The following CCDC150 variants were observed in gnomAD, a reference collection of about 807,000 sequenced individuals.
CCDC150 encodes the protein coiled-coil domain-containing protein 150.
Under a neutral mutation model 156.5 loss-of-function variants are expected in CCDC150, and 151 were observed. The ratio of observed to expected loss-of-function variants is 0.97; its 90% confidence interval spans 0.85 to 1.10. The LOEUF (loss-of-function observed/expected upper bound fraction) is 1.10. Among genes scored for constraint, CCDC150 ranks in the 50% least tolerant of loss-of-function variants. The pLI is 0.00. For missense variants in CCDC150, 1,312 were observed against 1,268.1 expected, an observed-to-expected ratio of 1.03 and a Z score of -0.53; for synonymous variants, 452 against 429.4, an observed-to-expected ratio of 1.05 and a Z score of -0.65.
Position 196,657,133 on chromosome 2 carries a change from A to G in CCDC150, c.573A>G (p.Thr191=), listed in dbSNP as rs777088827. The part of the protein sequence containing the change: ...LTATLKIASQ[T]KKNAAIIEEE... ...CCACTCTGAAGATTGCCTCGCAGAC[A>G]AAGGTTTGAGTCTAAGAGTTCTGAA... The change falls in exon 4 of 28, where the codon ACA becomes ACG. Residue 191 remains threonine (T), a synonymous_variant. Transcript: ENST00000389175. 3.3e-5 allele frequency: 54 copies of G among 1,613,592 alleles called. No individual in the cohort carries two copies. In the East Asian group the frequency reaches 1.2e-3, roughly 35 times the overall value.
At chr2:196,712,922 C>A (rs1413725167) in intron 17 of CCDC150, among the ~76,000 whole-genome samples, 183 bp downstream of exon 17, 1 of 152,156 alleles carries the variant, frequency 6.6e-6, no homozygotes, top group East Asian at 1.9e-4. Flanking sequence ...CAATTATTTA[C>A]AAATTTAGCA....
At chr2:196,672,938 G>A (rs1694291405) in intron 9 of CCDC150, among the ~76,000 whole-genome samples, 1 of 152,124 alleles carries the variant, frequency 6.6e-6, no homozygotes, top group Admixed American at 6.6e-5. Flanking sequence ...AAAGTCACCA[G>A]ATATGCAGTC....
intron 14 of CCDC150, among the ~76,000 whole-genome samples, chr2:196,697,374 G>A (rs1219223405): frequency 6.6e-6 from 1 of 152,028 alleles, no homozygotes; most frequent in East Asian, 1.9e-4. Flanking sequence ...ACCACTGGCA[G>A]TCACGCAGGG....
At position 196,719,621 on chromosome 2, in the gene CCDC150, A is replaced by G. The variant is rs759833487; in HGVS notation, c.2120A>G (p.Glu707Gly). 6.2e-7 allele frequency: 1 copy of G among 1,612,572 alleles called. No homozygotes were observed. Among genetic ancestry groups the G allele is most frequent in the South Asian group, 1.1e-5 (1 of 90,740 alleles). The change falls in exon 19 of 28, where the codon GAG becomes GGG. Residue 707 changes from glutamate (E) to glycine (G), a missense_variant. Physicochemically the swap from Glu to Gly is moderately conservative, Grantham distance 98. Coordinates refer to ENST00000389175, the MANE Select transcript of CCDC150 (RefSeq NM_001080539.2). ...MQGALEKVQI[E>G]LGRRDSEIAG... ...GGTGCTCTGGAGAAAGTACAAATAG[A>G]GCTTGGGCGGAGGGATTCAGAGATT... is the stretch of plus-strand genomic sequence containing the variant.
rs776973958 is a variant in CCDC150 at position 196,665,633 on chromosome 2, CT to C, written c.713del (p.Leu238ProfsTer13). On this transcript the variant is annotated frameshift_variant, in exon 6 of 28. Coordinates refer to ENST00000389175, the MANE Select transcript of CCDC150 (RefSeq NM_001080539.2). LOFTEE classifies it high-confidence loss of function. Reference protein sequence around the residue: ...ESLEKSASAMLLKIQEMGSTV... With the variant: ...ESLEKSASAMXLKIQEMGSTV... ...TTTAGAGAAATCAGCATCAGCCATG[CT>C]CCTCAAAATACAAGAAATGGGATCA... 1.9e-6 allele frequency: 3 copies of C among 1,604,648 alleles called. No homozygotes were observed. In the East Asian group the frequency reaches 6.7e-5, roughly 36 times the overall value.
At chr2:196,660,433 C>A (rs1353682446) in intron 5 of CCDC150, among the ~76,000 whole-genome samples, 1 of 152,162 alleles carries the variant, frequency 6.6e-6, no homozygotes, top group Non-Finnish European at 1.5e-5. Context: ...TGCCCATCAG[C>A]AAGGAATAAG....
intron 2 of CCDC150, among the ~76,000 whole-genome samples, chr2:196,650,835 AT>A (rs1456888098): frequency 6.6e-6 from 1 of 152,080 alleles, no homozygotes. Context: ...CTCCTCTTCA[AT>A]TTTTGACAGT....
At chr2:196,689,065 C>T (rs1213478653) in intron 13 of CCDC150, among the ~76,000 whole-genome samples, 1 of 152,010 alleles carries the variant, frequency 6.6e-6, no homozygotes, top group Non-Finnish European at 1.5e-5. Context: ...AGATATGCGG[C>T]GTTATTTCTG....
chr2:196,660,912 G>T (rs531172591), intron 5 of CCDC150, among the ~76,000 whole-genome samples: 1 of 152,070 alleles, frequency 6.6e-6, no homozygotes, highest in East Asian at 1.9e-4. Flanking sequence ...TCTTCTAAGA[G>T]ATTTTATAGG....
intron 13 of CCDC150, among the ~76,000 whole-genome samples, 165 bp downstream of exon 13, chr2:196,677,526 A>G (rs186215542): frequency 8.3e-4 from 126 of 152,294 alleles, no homozygotes; most frequent in Non-Finnish European, 1.3e-3. Context: ...ACTGCAGCAG[A>G]AGGTTGTTTC....
intron 13 of CCDC150, among the ~76,000 whole-genome samples, chr2:196,680,015 G>C (rs905190126): frequency 6.6e-5 from 10 of 151,948 alleles, no homozygotes. Context: ...TTTACTGTTT[G>C]TATATATACA....
At chr2:196,648,971 C>T (rs1246813562) in intron 2 of CCDC150, among the ~76,000 whole-genome samples, 1 of 151,986 alleles carries the variant, frequency 6.6e-6, no homozygotes, top group Admixed American at 6.6e-5. Flanking sequence ...TATTTCTGGG[C>T]TATCTATTCT....
At chr2:196,672,900 G>C (rs1346298336) in intron 9 of CCDC150, among the ~76,000 whole-genome samples, 4 of 152,104 alleles carry the variant, frequency 2.6e-5, no homozygotes, top group African/African-American at 9.7e-5. Flanking sequence ...TTTAGCTGAT[G>C]TTTTATATAT....
At chr2:196,692,906 G>T (rs920002570) in intron 13 of CCDC150, among the ~76,000 whole-genome samples, 4 of 152,184 alleles carry the variant, frequency 2.6e-5, no homozygotes, top group African/African-American at 9.6e-5. Context: ...ATCTAATATT[G>T]TCAGTGGAAT....
chr2:196,709,868 C>G (rs924699671), intron 15 of CCDC150, among the ~76,000 whole-genome samples: 5 of 152,104 alleles, frequency 3.3e-5, no homozygotes, highest in African/African-American at 1.2e-4. Flanking sequence ...GCTGCCTGAT[C>G]CTTCCTCTGG....
At chr2:196,711,931 C>T (rs1697144796) in intron 15 of CCDC150, among the ~76,000 whole-genome samples, 1 of 151,496 alleles carries the variant, frequency 6.6e-6, no homozygotes, top group African/African-American at 2.4e-5. Flanking sequence ...TATCTCAGTA[C>T]ATTTAAATGG....
At chr2:196,678,036 T>TC (rs1295168949) in intron 13 of CCDC150, among the ~76,000 whole-genome samples, 1 of 152,030 alleles carries the variant, frequency 6.6e-6, no homozygotes, top group African/African-American at 2.4e-5. Flanking sequence ...TAAGTACCTA[T>TC]CAGCACCTGC....
chr2:196,703,566 T>A (rs1696387279), intron 15 of CCDC150, among the ~76,000 whole-genome samples: 1 of 152,164 alleles, frequency 6.6e-6, no homozygotes, highest in South Asian at 2.1e-4. Flanking sequence ...GGTATATACA[T>A]CTTTACAGGC....
At chr2:196,719,359 A>G (rs1697738978) in intron 18 of CCDC150, 138 bp from the exon 19 acceptor site, 2 of 593,506 alleles carry the variant, frequency 3.4e-6, no homozygotes, top group African/African-American at 1.9e-5. Context: ...AATAAAATAT[A>G]CTTTAATTAT....
Sources: gnomAD v4.1 joint callset for allele counts (sites outside exome capture counted in the v4.1 genomes callset) on GRCh38, gnomAD v4.1.1 for gene constraint, MANE v1.5 for transcripts, NCBI Gene and HGNC (gene_info 2026-07-23, HGNC 2026-07-21) for gene names.